The following IFI35 variants were observed in gnomAD, a reference collection of about 807,000 sequenced individuals.
IFI35 encodes interferon induced protein 35.
A neutral mutation model predicts 28.6 loss-of-function variants in IFI35; 30 were observed. That is an observed-to-expected ratio of 1.05 (90% CI 0.79 to 1.43). The LOEUF is 1.43. Among genes scored for constraint, IFI35 ranks in the 40% most tolerant of loss-of-function variants. The pLI is 0.00. For synonymous variants in IFI35, 146 were observed against 154.8 expected (o/e 0.94, Z 0.42); for missense variants, 372 against 356.9 (o/e 1.04, Z -0.34).
chr17:43,012,906 GCATTCATCCACTCATTT>G, intron 2 of IFI35, 124 bp from the exon 3 acceptor site: 1 of 906,370 alleles, frequency 1.1e-6, no homozygotes, highest in South Asian at 1.6e-5. Context: ...GACCAGACCT[GCATTCATCCACTCATTT>G]ATCCAGCTTT....
At chr17:43,007,648 A>G (rs1445179229) in intron 1 of IFI35, among the ~76,000 whole-genome samples, 1 of 151,200 alleles carries the variant, frequency 6.6e-6, no homozygotes, top group Non-Finnish European at 1.5e-5. Context: ...CAACATAGCA[A>G]AACCCCATCT....
rs1567744105 is a variant in IFI35, at chr17:43,013,541, T to A, written c.441T>A (p.Ser147Arg). The change falls in exon 5 of 7, where the codon AGT becomes AGA. Residue 147 changes from serine (S) to arginine (R), a missense_variant. Transcript: ENST00000415816. ...GATTTCCTGCCAGCCTCAGGCTGAG[T>A]GAGGAGGAGCTGCTGGACAAGCTAG... is the stretch of plus-strand genomic sequence containing the variant. ...VTGFPASLRL[S>R]EEELLDKLEI... 3.7e-6 allele frequency: 6 copies of A among 1,613,654 alleles called. No individual in the cohort carries two copies. The African/African-American group carries it at 5.3e-5, about 14-fold the overall frequency.
intron 1 of IFI35, among the ~76,000 whole-genome samples, chr17:43,007,643 T>C (rs528997716): frequency 6.7e-6 from 1 of 150,278 alleles, no homozygotes; most frequent in African/African-American, 2.5e-5. Flanking sequence ...CTGGCCAACA[T>C]AGCAAAACCC....
Position 43,006,859 on chromosome 17 carries a change from G to C in IFI35, c.-89G>C, listed in dbSNP as rs182260944. 1.2e-4 allele frequency: 167 copies of C among 1,416,854 alleles called. 1 individual carries two copies. Among genetic ancestry groups the C allele is most frequent in the Admixed American group, 2.5e-4 (15 of 59,742 alleles). 87.8% of individuals were successfully genotyped at this position (1,416,854 alleles called of 1,614,324 possible). A position where few individuals can be genotyped will look rare whatever the true frequency, so the allele number is the denominator to read the frequency against. On this transcript the variant is annotated 5_prime_UTR_variant, in exon 1 of 7. Coordinates refer to ENST00000415816, the MANE Select transcript of IFI35 (RefSeq NM_001330230.2). ...GGCTGAGAGAGACCACAGCCCTTTG[G>C]GGGGTACAAACAAGAGTTCAGTTGC...
intron 1 of IFI35, among the ~76,000 whole-genome samples, chr17:43,007,340 A>G (rs2151967489): frequency 6.6e-6 from 1 of 152,162 alleles, no homozygotes; most frequent in Non-Finnish European, 1.5e-5. Context: ...ATCCGTCTCT[A>G]CTAAAATACA....
chr17:43,009,876 C>T (rs1005519205), intron 1 of IFI35, among the ~76,000 whole-genome samples: 1 of 149,192 alleles, frequency 6.7e-6, no homozygotes, highest in African/African-American at 2.5e-5. Context: ...GAGTTTGCAG[C>T]GAGCCGATAT....
chr17:43,013,897 TGAA>T lies in IFI35; in HGVS notation c.669+19_669+21del. 1 of 1,549,088 alleles carries T rather than the reference TGAA, an allele frequency of 6.5e-7. No homozygotes were observed. The highest frequency in any genetic ancestry group is 8.8e-7 in the Non-Finnish European group (1 of 1,137,178). On this transcript the variant is annotated intron_variant, in intron 6 of 6. Transcript: ENST00000415816. ...AGAAGGCTGAGGTAAGCAGGAGGGG[TGAA>T]GAACAGGGGCTGGGCTGGGTAACCT...
At chr17:43,007,160 G>A (rs189283559) in intron 1 of IFI35, among the ~76,000 whole-genome samples, 192 bp downstream of exon 1, 74 of 152,324 alleles carry the variant, frequency 4.9e-4, no homozygotes, top group Non-Finnish European at 7.8e-4. Flanking sequence ...GCCTCAGACA[G>A]GAGGAGCTCA....
chr17:43,014,451 A>G lies in IFI35; in HGVS notation c.*152A>G, dbSNP rs1476388887. Reference sequence around the variant, plus strand: ...GCCCAGAACAGTAAAAAGAGCCTGCATGCCATGATGTTCTTCCTCATTTCA... The same window carrying G: ...GCCCAGAACAGTAAAAAGAGCCTGCGTGCCATGATGTTCTTCCTCATTTCA... On this transcript the variant is annotated 3_prime_UTR_variant, in exon 7 of 7. Coordinates refer to ENST00000415816, the MANE Select transcript of IFI35 (RefSeq NM_001330230.2). The G allele has an allele frequency of 4.4e-6, 2 of 456,288 alleles. No individual in the cohort carries two copies. The highest frequency in any genetic ancestry group is 7.6e-6 in the Non-Finnish European group (2 of 262,106). The allele number at this position is 456,288 out of a possible 1,614,324, so 28.3% of individuals were successfully genotyped here.
At chr17:43,012,421 A>G in intron 2 of IFI35, 144 bp downstream of exon 2, 1 of 536,310 alleles carries the variant, frequency 1.9e-6, no homozygotes, top group East Asian at 3.4e-5. Context: ...CCTGGCCAAC[A>G]CAGTGAAATC....
intron 1 of IFI35, among the ~76,000 whole-genome samples, chr17:43,009,939 G>GA (rs1014185636): frequency 1.3e-3 from 181 of 142,870 alleles, no homozygotes; most frequent in African/African-American, 3.8e-3. Flanking sequence ...TCTCAGAAAA[G>GA]AAAAAAAAAT....
In IFI35 at chr17:43,014,210, C is replaced by G; in HGVS notation, c.772C>G (p.Pro258Ala). 1 of 1,613,566 alleles carries G rather than the reference C, an allele frequency of 6.2e-7. No homozygotes were observed. The highest frequency in any genetic ancestry group is 8.5e-7 in the Non-Finnish European group (1 of 1,179,734). Residue 258 changes from proline to alanine, a missense_variant, in exon 7 of 7, where the codon CCC becomes GCC. Transcript: ENST00000415816. The stretch of plus-strand genomic sequence containing the variant: ...CGTCCTGGAGATCCACTTCCAGAAG[C>G]CCACCCGCGGGGGCGGGGAGGTAGA... The part of the protein sequence containing the change: ...HDVLEIHFQK[P>A]TRGGGEVEAL...
At position 43,013,293 on chromosome 17, in the gene IFI35, G is replaced by T. The variant is rs976936685; in HGVS notation, c.295G>T (p.Glu99Ter). The T allele has an allele frequency of 1.2e-6, 2 of 1,614,136 alleles. No individual in the cohort carries two copies. Among genetic ancestry groups the T allele is most frequent in the South Asian group, 1.1e-5 (1 of 91,068 alleles). ...KVAEQVLQQK[E>*]HTINMEECRL... ...GGCTGAGCAGGTGCTGCAACAAAAG[G>T]AGCACACGATCAACATGGAGGAGTG... The change falls in exon 4 of 7, where the codon GAG becomes TAG. Residue 99 changes from glutamate (E) to a stop codon, truncating the protein, a stop_gained. Coordinates refer to ENST00000415816, the MANE Select transcript of IFI35 (RefSeq NM_001330230.2). LOFTEE classifies it high-confidence loss of function.
At chr17:43,007,847 T>TATATATATATATATATATATA (rs2050421792) in intron 1 of IFI35, among the ~76,000 whole-genome samples, 10 of 119,020 alleles carry the variant, frequency 8.4e-5, no homozygotes, top group African/African-American at 2.7e-4. Context: ...CACACAAAAT[T>TATATATATATATATATATATA]TATATATATA....
At chr17:43,013,246 A>AC (rs779312766) in intron 3 of IFI35, 21 bp from the exon 4 acceptor site, 27 of 1,613,884 alleles carry the variant, frequency 1.7e-5, no homozygotes, top group African/African-American at 2.7e-5. Flanking sequence ...CCCAGTACTG[A>AC]CCCTGTTTCC....
Position 43,013,839 on chromosome 17 carries a change from TGA to T in IFI35, c.630_631del (p.Arg210SerfsTer13), listed in dbSNP as rs1208819170. The T allele has an allele frequency of 8.1e-6, 13 of 1,610,634 alleles. No individual in the cohort carries two copies. Among genetic ancestry groups the T allele is most frequent in the African/African-American group, 1.3e-5 (1 of 74,816 alleles). ...CCACTGGGTGGGCAGCAAGTCCCTC[TGA>T]GAGTCTCTCCGTATGTGAACGGGGA... On this transcript the variant is annotated frameshift_variant, in exon 6 of 7. Transcript: ENST00000415816. LOFTEE classifies it high-confidence loss of function.
chr17:43,009,513 G>T (rs2050438518), intron 1 of IFI35, among the ~76,000 whole-genome samples: 1 of 152,066 alleles, frequency 6.6e-6, no homozygotes, highest in Non-Finnish European at 1.5e-5. Context: ...CCAGCACTTT[G>T]GGAGGCCGAG....
intron 1 of IFI35, among the ~76,000 whole-genome samples, chr17:43,009,695 G>T (rs2050440086): frequency 6.6e-6 from 1 of 152,084 alleles, no homozygotes; most frequent in African/African-American, 2.4e-5. Context: ...AGAGGTCGCA[G>T]TGAGCCGAGA....
chr17:43,013,967 C>T, intron 6 of IFI35, 85 bp downstream of exon 6: 3 of 1,296,992 alleles, frequency 2.3e-6, no homozygotes, highest in Non-Finnish European at 3.2e-6. Flanking sequence ...ATCAGAGGCC[C>T]CAAACCCCAC....
Sources: gnomAD v4.1 joint callset for allele counts (sites outside exome capture counted in the v4.1 genomes callset) on GRCh38, gnomAD v4.1.1 for gene constraint, MANE v1.5 for transcripts, NCBI Gene and HGNC (gene_info 2026-07-23, HGNC 2026-07-21) for gene names.